The following RANBP17 variants were observed in gnomAD, a reference collection of about 807,000 sequenced individuals.
RANBP17 encodes RAN binding protein 17.
In RANBP17, 158 loss-of-function variants were observed where a neutral mutation model predicts 141.2. The ratio of observed to expected loss-of-function variants is 1.12; its 90% confidence interval spans 0.98 to 1.28. The LOEUF is 1.28. Among genes scored for constraint, RANBP17 ranks in the 50% most tolerant of loss-of-function variants. The pLI is 0.00. For missense variants in RANBP17, 1,438 were observed against 1,290.7 expected, an observed-to-expected ratio of 1.11 and a Z score of -1.75; for synonymous variants, 430 against 450.0, an observed-to-expected ratio of 0.96 and a Z score of 0.56.
intron 14 of RANBP17, among the ~76,000 whole-genome samples, chr5:171,136,163 G>T (rs1044074935): frequency 2.0e-5 from 3 of 152,162 alleles, no homozygotes; most frequent in Non-Finnish European, 4.4e-5. Context: ...CAAGGCTGCA[G>T]TATTATAGAT....
At chr5:171,099,291 G>C (rs1342527629) in intron 14 of RANBP17, among the ~76,000 whole-genome samples, 2 of 152,028 alleles carry the variant, frequency 1.3e-5, no homozygotes, top group African/African-American at 4.8e-5. Flanking sequence ...TTATTTCCTT[G>C]AGCAGTGGTT....
At chr5:170,894,464 T>G in intron 4 of RANBP17, among the ~76,000 whole-genome samples, 1 of 129,648 alleles carries the variant, frequency 7.7e-6, no homozygotes, top group African/African-American at 3.1e-5. Context: ...AGTATCACCA[T>G]AGAATAGTTA....
intron 22 of RANBP17, among the ~76,000 whole-genome samples, chr5:171,222,071 T>C (rs1478531776): frequency 6.6e-6 from 1 of 152,178 alleles, no homozygotes; most frequent in East Asian, 1.9e-4. Context: ...TTGGATAAAA[T>C]TGCAGTGTCA....
intron 14 of RANBP17, among the ~76,000 whole-genome samples, chr5:171,143,793 G>A (rs1210876003): frequency 6.6e-6 from 1 of 152,190 alleles, no homozygotes; most frequent in East Asian, 1.9e-4. Context: ...AGCATCCTAA[G>A]AGAAATTATA....
Position 170,953,578 on chromosome 5 carries a change from C to T in RANBP17, c.1469-19C>T, listed in dbSNP as rs1353238561. 8 of 1,535,322 alleles carry T rather than the reference C, an allele frequency of 5.2e-6. No homozygotes were observed. The highest frequency in any genetic ancestry group is 4.0e-5 in the Admixed American group (2 of 50,516). On this transcript the variant is annotated intron_variant, in intron 12 of 27. Coordinates refer to ENST00000523189, the MANE Select transcript of RANBP17 (RefSeq NM_022897.5). ...CTATGAATACTTACTAAACTTTTTT[C>T]TTCCTTATTCTATATTAGGACGTCT...
At position 171,073,498 on chromosome 5, in the gene RANBP17, A is replaced by T. The variant is rs1784743785; in HGVS notation, c.1711-96632A>T. ...CTCTCTGTCAGAGTAAGAAGTTACA[A>T]GTAAACAACAGGGAAACTAGAATGA... On this transcript the variant is annotated intron_variant, in intron 14 of 27. Transcript: ENST00000523189. 2.0e-5 allele frequency among the ~76,000 whole-genome samples: 3 copies of T among 152,292 alleles called. No homozygotes were observed. In the South Asian group the frequency reaches 6.2e-4, roughly 32 times the overall value.
chr5:170,935,304 C>T (rs1031829643), intron 12 of RANBP17, among the ~76,000 whole-genome samples: 1 of 152,232 alleles, frequency 6.6e-6, no homozygotes, highest in African/African-American at 2.4e-5. Context: ...GCCTTCTTCT[C>T]TCGAATCGTC....
chr5:170,932,432 A>T (rs1360885448), intron 12 of RANBP17, among the ~76,000 whole-genome samples: 1 of 152,136 alleles, frequency 6.6e-6, no homozygotes, highest in African/African-American at 2.4e-5. Context: ...TGGTCAGAAC[A>T]TCCAACACTA....
intron 12 of RANBP17, among the ~76,000 whole-genome samples, chr5:170,935,114 A>G (rs1465985514): frequency 2.0e-5 from 3 of 152,172 alleles, no homozygotes; most frequent in South Asian, 2.1e-4. Context: ...AAGCTTGTGC[A>G]TGCATCACGT....
intron 14 of RANBP17, among the ~76,000 whole-genome samples, chr5:171,045,987 G>A (rs952252043): frequency 6.6e-6 from 1 of 151,974 alleles, no homozygotes; most frequent in African/African-American, 2.4e-5. Flanking sequence ...TTTTAAAACT[G>A]GTTTCTTTCA....
chr5:170,957,188 T>C (rs759603884), intron 13 of RANBP17, among the ~76,000 whole-genome samples: 1 of 151,982 alleles, frequency 6.6e-6, no homozygotes, highest in African/African-American at 2.4e-5. Flanking sequence ...GAAACAAATA[T>C]TAGTTTTTTA....
chr5:171,277,672 T>C (rs1284520733), intron 25 of RANBP17, among the ~76,000 whole-genome samples: 1 of 140,484 alleles, frequency 7.1e-6, no homozygotes, highest in East Asian at 2.1e-4. Context: ...TATATATTTA[T>C]GTCTTACAGC....
intron 24 of RANBP17, chr5:171,251,907 T>C: frequency 6.3e-7 from 1 of 1,575,728 alleles, no homozygotes; most frequent in Non-Finnish European, 8.7e-7. Flanking sequence ...CAGAACAGTT[T>C]CCAGTGAATG....
chr5:170,900,602 G>A (rs937243376), intron 5 of RANBP17, among the ~76,000 whole-genome samples: 1 of 152,156 alleles, frequency 6.6e-6, no homozygotes, highest in Non-Finnish European at 1.5e-5. Flanking sequence ...TAATTGTGAT[G>A]CTAGGGTGTC....
chr5:171,092,839 G>A (rs1274107188), intron 14 of RANBP17, among the ~76,000 whole-genome samples: 1 of 152,168 alleles, frequency 6.6e-6, no homozygotes, highest in Non-Finnish European at 1.5e-5. Flanking sequence ...GAGAAGAATT[G>A]TTATTCACCT....
In RANBP17 at chr5:170,878,138, A is replaced by G. The variant is rs149220188; in HGVS notation, c.60A>G (p.Ile20Met). The G allele has an allele frequency of 2.1e-5, 34 of 1,612,222 alleles. No homozygotes were observed. Among genetic ancestry groups the G allele is most frequent in the Non-Finnish European group, 2.7e-5 (32 of 1,179,088 alleles). Residue 20 changes from isoleucine to methionine, a missense_variant, in exon 2 of 28, where the codon ATA (isoleucine) becomes ATG (methionine). Coordinates refer to ENST00000523189, the MANE Select transcript of RANBP17 (RefSeq NM_022897.5). The part of the protein sequence containing the change: ...ELEVLCTHLY[I>M]GTDLTQRIEA... Reference sequence around the variant, plus strand: ...AAGTGTTATGTACTCATCTCTACATAGGGACTGATCTTACACAAAGAATAG... The same window carrying G: ...AAGTGTTATGTACTCATCTCTACATGGGGACTGATCTTACACAAAGAATAG...
chr5:171,081,833 G>A (rs571376068), intron 14 of RANBP17, among the ~76,000 whole-genome samples: 3 of 152,096 alleles, frequency 2.0e-5, no homozygotes, highest in South Asian at 2.1e-4. Flanking sequence ...TAGATATGTC[G>A]AATGCAATTA....
chr5:171,066,829 A>G (rs939910238), intron 14 of RANBP17, among the ~76,000 whole-genome samples: 1 of 152,188 alleles, frequency 6.6e-6, no homozygotes, highest in African/African-American at 2.4e-5. Flanking sequence ...AAAAAGTTCA[A>G]AAGAGAGAAG....
intron 14 of RANBP17, among the ~76,000 whole-genome samples, chr5:171,011,464 A>C (rs1028357268): frequency 6.6e-6 from 1 of 151,864 alleles, no homozygotes; most frequent in Non-Finnish European, 1.5e-5. Flanking sequence ...ATTTTTCATG[A>C]TAATTATGGA....
Sources: gnomAD v4.1 joint callset for allele counts (sites outside exome capture counted in the v4.1 genomes callset) on GRCh38, gnomAD v4.1.1 for gene constraint, MANE v1.5 for transcripts, NCBI Gene and HGNC (gene_info 2026-07-23, HGNC 2026-07-21) for gene names.